Variants in ZNF536 observed in about 807,000 individuals in gnomAD.
ZNF536 encodes the protein zinc finger protein 536.
In ZNF536, 13 loss-of-function variants were observed where a neutral mutation model predicts 84.5. That is an observed-to-expected ratio of 0.15 (90% CI 0.10 to 0.24). The LOEUF (loss-of-function observed/expected upper bound fraction) is 0.24, where lower values mean the gene tolerates loss of function less well. Among genes scored for constraint, ZNF536 ranks in the 10% least tolerant of loss-of-function variants. The probability of loss-of-function intolerance (pLI) is 1.00; values close to 1 mark genes in which losing one functional copy is unlikely to be tolerated. For synonymous variants in ZNF536, 811 were observed against 742.5 expected (o/e 1.09, Z -1.50); for missense variants, 1,536 against 1,747.5 (o/e 0.88, Z 2.16).
At position 30,444,237 on chromosome 19, in the gene ZNF536, G is replaced by A. The variant is rs2148175292; in HGVS notation, c.675G>A (p.Lys225=). 3.2e-6 allele frequency: 5 copies of A among 1,544,522 alleles called. No homozygotes were observed. The East Asian group carries it at 1.2e-4, about 37-fold the overall frequency. ...TGCTGCAGCCCCGGCCGGACCTGAA[G>A]CCCCCGCCGCACGCCCAGCAGGCCC... is the stretch of plus-strand genomic sequence containing the variant. ...GSLLQPRPDL[K]PPPHAQQAPL... is the part of the protein sequence containing the mutation. Residue 225 remains lysine, a synonymous_variant, in exon 2 of 5, where the codon AAG becomes AAA. Coordinates refer to ENST00000355537, the MANE Select transcript of ZNF536 (RefSeq NM_014717.3).
intron 3 of ZNF536, among the ~76,000 whole-genome samples, chr19:30,360,629 C>A (rs2048243750): frequency 6.6e-6 from 1 of 152,056 alleles, no homozygotes. Context: ...GTCGGTCTGA[C>A]GCGGTCAGAA....
At chr19:30,480,977 C>T (rs956817854) in intron 2 of ZNF536, among the ~76,000 whole-genome samples, 130 of 149,904 alleles carry the variant, frequency 8.7e-4, no homozygotes, top group African/African-American at 2.8e-3. Context: ...TGCAGTGAGC[C>T]GAGTTCATGT....
chr19:30,300,636 A>C (rs2046148802), intron 2 of ZNF536: 1 of 152,212 alleles, frequency 6.6e-6, no homozygotes, highest in Non-Finnish European at 1.5e-5. Flanking sequence ...TGCACATTGC[A>C]GTCAGTATAT....
chr19:30,713,442 G>C (rs1600367772), exon 2 of ZNF536: 1 of 152,266 alleles, frequency 6.6e-6, no homozygotes, highest in African/African-American at 2.4e-5. Context: ...AGAAAACTTT[G>C]TATTTAAAGT....
At chr19:30,632,948 A>G (rs890783319) in intron 1 of ZNF536, among the ~76,000 whole-genome samples, 5 of 152,212 alleles carry the variant, frequency 3.3e-5, no homozygotes, top group African/African-American at 1.2e-4. Context: ...GAGAGGAGGA[A>G]GAGGGCTGTG....
At chr19:30,309,008 G>A (rs902962642) in intron 2 of ZNF536, among the ~76,000 whole-genome samples, 6 of 152,126 alleles carry the variant, frequency 3.9e-5, no homozygotes, top group African/African-American at 1.4e-4. Flanking sequence ...GGAGTCCTGA[G>A]AAGAAGAGTC....
intron 2 of ZNF536, among the ~76,000 whole-genome samples, chr19:30,517,882 GC>G (rs1303941262): frequency 3.3e-5 from 5 of 152,188 alleles, no homozygotes; most frequent in Non-Finnish European, 5.9e-5. Context: ...AGAGTCCTCT[GC>G]CCCCATTCCA....
rs145555219 is a variant in ZNF536 at position 30,556,020 on chromosome 19, A to T, written c.3896-1137A>T. 3 of 152,336 alleles carry T rather than the reference A, an allele frequency of 2.0e-5. No individual in the cohort carries two copies. In the East Asian group the frequency reaches 5.8e-4, roughly 29 times the overall value. The allele number at this position is 152,336 out of a possible 1,614,324, so 9.4% of individuals were successfully genotyped here. A position where few individuals can be genotyped will look rare whatever the true frequency, so the allele number is the denominator to read the frequency against. The stretch of plus-strand genomic sequence containing the variant: ...TTTATTCAAAGACAAATGTGCTCTC[A>T]TACCTCTTCCTTCTCTTTTTTGTGA... On this transcript the variant is annotated intron_variant, in intron 4 of 4. Transcript: ENST00000355537.
chr19:30,470,484 T>TA (rs1438702878), intron 2 of ZNF536, among the ~76,000 whole-genome samples: 2 of 148,430 alleles, frequency 1.3e-5, no homozygotes, highest in African/African-American at 5.1e-5. Context: ...TTTTTTTTTT[T>TA]TAATTAATAA....
intron 1 of ZNF536, among the ~76,000 whole-genome samples, chr19:30,381,160 G>A (rs536736595): frequency 2.3e-4 from 35 of 152,310 alleles, no homozygotes; most frequent in Non-Finnish European, 3.4e-4. Flanking sequence ...TTACAGGTGT[G>A]AGCCACCACC....
intron 2 of ZNF536, among the ~76,000 whole-genome samples, chr19:30,513,473 C>T (rs2055503441): frequency 6.6e-6 from 1 of 152,116 alleles, no homozygotes; most frequent in Non-Finnish European, 1.5e-5. Context: ...TCTCTGTGCC[C>T]CCAACCCCGG....
intron 2 of ZNF536, among the ~76,000 whole-genome samples, chr19:30,290,073 G>T (rs186215166): frequency 2.0e-5 from 3 of 152,040 alleles, no homozygotes; most frequent in South Asian, 4.2e-4. Context: ...GCACCTGTCT[G>T]TCTCTGTGAA....
chr19:30,346,672 A>G (rs569527295), intron 2 of ZNF536, among the ~76,000 whole-genome samples: 1 of 152,346 alleles, frequency 6.6e-6, no homozygotes, highest in South Asian at 2.1e-4. Flanking sequence ...AAAGGACATG[A>G]TCTTGTTCTT....
At chr19:30,479,123 C>T (rs993945936) in intron 2 of ZNF536, among the ~76,000 whole-genome samples, 3 of 152,180 alleles carry the variant, frequency 2.0e-5, no homozygotes, top group Admixed American at 6.5e-5. Context: ...ATAAATACAC[C>T]CTAACATCTC....
chr19:30,516,217 G>C (rs889788089), intron 2 of ZNF536, among the ~76,000 whole-genome samples: 1 of 152,020 alleles, frequency 6.6e-6, no homozygotes, highest in African/African-American at 2.4e-5. Flanking sequence ...GAGAGAACTA[G>C]GTACCTCACC....
intron 2 of ZNF536, among the ~76,000 whole-genome samples, chr19:30,471,485 C>T (rs773428263): frequency 2.0e-5 from 3 of 152,200 alleles, no homozygotes; most frequent in Non-Finnish European, 4.4e-5. Flanking sequence ...GTGCACAGGT[C>T]GCAGTCCCAT....
intron 1 of ZNF536, among the ~76,000 whole-genome samples, chr19:30,679,341 T>C (rs1019302550): frequency 6.6e-6 from 1 of 152,206 alleles, no homozygotes; most frequent in Non-Finnish European, 1.5e-5. Context: ...GGTGAGGCCC[T>C]GGGCCGGGAA....
At chr19:30,357,772 G>A (rs2048146047) in intron 3 of ZNF536, among the ~76,000 whole-genome samples, 2 of 152,148 alleles carry the variant, frequency 1.3e-5, no homozygotes, top group Admixed American at 1.3e-4. Context: ...CCTGGGGAGA[G>A]TGACAGGCAG....
intron 1 of ZNF536, among the ~76,000 whole-genome samples, chr19:30,270,754 T>G (rs1460480493): frequency 1.3e-5 from 2 of 151,818 alleles, no homozygotes; most frequent in Non-Finnish European, 2.9e-5. Context: ...ATGCAGGTTT[T>G]TTTTTTTTTT....
Sources: allele counts gnomAD v4.1 joint callset (sites outside exome capture counted in the v4.1 genomes callset), GRCh38; gene constraint gnomAD v4.1.1; transcripts MANE v1.5; gene names NCBI Gene and HGNC (gene_info 2026-07-23, HGNC 2026-07-21).